NEAT1: variants seen among roughly 807,000 people sequenced by gnomAD.
NEAT1 encodes the protein MENepsilon/beta.
At chr11:65,444,544 G>A (rs1159734130) in exon 1 of NEAT1, 1 of 495,096 alleles carries the variant, frequency 2.0e-6, no homozygotes, top group Non-Finnish European at 4.2e-6. Flanking sequence ...ATGGCAGCCA[G>A]GACAGGACTC....
exon 1 of NEAT1, chr11:65,444,597 C>T (rs1182846351): frequency 3.5e-5 from 16 of 456,780 alleles, no homozygotes; most frequent in African/African-American, 6.1e-5. Flanking sequence ...CCCACGGACC[C>T]GCCGTGGGCC....
At chr11:65,433,332 A>G (rs1856629645) in exon 1 of NEAT1, 2 of 152,148 alleles carry the variant, frequency 1.3e-5, no homozygotes. Context: ...ATCACTTTTC[A>G]TTATGCTTTA....
chr11:65,428,582 G>A (rs1487160416), exon 1 of NEAT1: 3 of 152,092 alleles, frequency 2.0e-5, no homozygotes, highest in East Asian at 1.9e-4. Flanking sequence ...TTAAATGTTC[G>A]TATTTAACAA....
exon 1 of NEAT1, chr11:65,426,017 T>TAA (rs984030247): frequency 1.2e-4 from 19 of 152,168 alleles, no homozygotes; most frequent in African/African-American, 4.3e-4. Flanking sequence ...AAACAAGACC[T>TAA]AAAAAGGGAA....
exon 1 of NEAT1, chr11:65,434,001 T>C (rs1856636075): frequency 1.3e-5 from 2 of 152,214 alleles, no homozygotes; most frequent in African/African-American, 4.8e-5. Context: ...TATATATTTA[T>C]ATTTTAGCTG....
exon 1 of NEAT1, chr11:65,437,806 CT>C (rs1856675126): frequency 1.3e-5 from 2 of 152,128 alleles, no homozygotes; most frequent in South Asian, 4.1e-4. Flanking sequence ...TCACAGAGTA[CT>C]TTTATTTACG....
exon 1 of NEAT1, chr11:65,423,342 C>T (rs1046242741): frequency 6.6e-6 from 1 of 152,360 alleles, no homozygotes; most frequent in South Asian, 2.1e-4. Flanking sequence ...TCTTGTGGAA[C>T]TGAACTTAGC....
chr11:65,424,962 C>T (rs1277391668), exon 1 of NEAT1: 3 of 151,182 alleles, frequency 2.0e-5, no homozygotes, highest in Non-Finnish European at 2.9e-5. Flanking sequence ...GGCACTGGTA[C>T]TGGGAGGGAT....
At chr11:65,436,172 C>T (rs1446202688) in exon 1 of NEAT1, 1 of 152,272 alleles carries the variant, frequency 6.6e-6, no homozygotes, top group East Asian at 1.9e-4. Flanking sequence ...GGGAGCAGAA[C>T]ATTGTACACA....
chr11:65,442,193 A>G (rs1228414556), exon 1 of NEAT1: 1 of 151,246 alleles, frequency 6.6e-6, no homozygotes, highest in African/African-American at 2.4e-5. Flanking sequence ...GCTGGTCCCC[A>G]GAGACACAGG....
exon 1 of NEAT1, chr11:65,438,356 T>G (rs549056613): frequency 6.6e-6 from 1 of 152,312 alleles, no homozygotes; most frequent in Non-Finnish European, 1.5e-5. Flanking sequence ...TATTGTTTCT[T>G]CTAAGAATAT....
chr11:65,436,779 A>G (rs1856661188), exon 1 of NEAT1: 1 of 151,422 alleles, frequency 6.6e-6, no homozygotes, highest in South Asian at 2.1e-4. Flanking sequence ...TGTTTCAGCA[A>G]TTTTTACTGT....
chr11:65,440,340 T>C (rs1362806718), exon 1 of NEAT1: 6 of 151,950 alleles, frequency 3.9e-5, no homozygotes, highest in Non-Finnish European at 7.4e-5. Flanking sequence ...CGTGGTGGCA[T>C]GTGCCTGTAG....
At chr11:65,422,958 C>G (rs559741439) in exon 1 of NEAT1, 1 of 152,396 alleles carries the variant, frequency 6.6e-6, no homozygotes, top group Non-Finnish European at 1.5e-5. Context: ...GAGACTAGGT[C>G]TAGGGGGACC....
chr11:65,426,141 G>A (rs1302218961), exon 1 of NEAT1: 3 of 152,106 alleles, frequency 2.0e-5, no homozygotes, highest in African/African-American at 7.2e-5. Context: ...AATACCAATG[G>A]CTTTTTATCA....
At chr11:65,441,783 C>G (rs1303451803) in exon 1 of NEAT1, 1 of 152,110 alleles carries the variant, frequency 6.6e-6, no homozygotes, top group Non-Finnish European at 1.5e-5. Context: ...CTCCGGCATG[C>G]CTTGGATTTT....
exon 1 of NEAT1, chr11:65,424,990 G>C (rs1388021062): frequency 1.3e-5 from 2 of 152,018 alleles, no homozygotes; most frequent in Non-Finnish European, 2.9e-5. Context: ...AAGAAGGGGA[G>C]AGGGTTGGTT....
chr11:65,437,195 GTATATATATATATATGTATA>G (rs1171212520), exon 1 of NEAT1: 2 of 129,052 alleles, frequency 1.5e-5, no homozygotes, highest in East Asian at 2.1e-4. Context: ...ATATATATAT[GTATATATATATATATGTATA>G]TATATATATA....
exon 1 of NEAT1, chr11:65,423,670 A>T (rs979483173): frequency 2.0e-5 from 3 of 151,928 alleles, no homozygotes; most frequent in Non-Finnish European, 2.9e-5. Context: ...TTGGCGCTAA[A>T]CTCTTCTTGT....
Sources: gnomAD v4.1 joint callset for allele counts on GRCh38, gnomAD v4.1.1 for gene constraint, MANE v1.5 for transcripts, NCBI Gene and HGNC (gene_info 2026-07-23, HGNC 2026-07-21) for gene names.